The following BMPR1B variants were observed in gnomAD, a reference collection of about 807,000 sequenced individuals.
BMPR1B encodes the protein bone morphogenetic protein receptor type-1B.
Under a neutral mutation model 59.1 loss-of-function variants are expected in BMPR1B, and 12 were observed. The ratio of observed to expected loss-of-function variants is 0.20; its 90% CI spans 0.13 to 0.33. BMPR1B has a LOEUF of 0.33. BMPR1B is among the 10% of genes least tolerant of loss of function. The pLI, the probability that BMPR1B is intolerant of heterozygous loss-of-function variation, is 1.00. For missense variants in BMPR1B, 550 were observed against 610.9 expected, an observed-to-expected ratio of 0.90 and a Z score of 1.05; for synonymous variants, 237 against 207.3, an observed-to-expected ratio of 1.14 and a Z score of -1.23.
chr4:94,846,711 CTATATATCTATATATCTA>C, intron 1 of BMPR1B, among the ~76,000 whole-genome samples: 1 of 147,342 alleles, frequency 6.8e-6, no homozygotes, highest in South Asian at 2.2e-4. Context: ...ATATATGTAT[CTATATATCTATATATCTA>C]TATCTATATA....
chr4:94,899,245 C>T (rs1209344507), intron 2 of BMPR1B, among the ~76,000 whole-genome samples: 1 of 151,884 alleles, frequency 6.6e-6, no homozygotes, highest in Non-Finnish European at 1.5e-5. Flanking sequence ...GGATAGTCTT[C>T]CCACCACAAA....
At chr4:94,853,758 C>T (rs1725649474) in intron 1 of BMPR1B, among the ~76,000 whole-genome samples, 1 of 152,080 alleles carries the variant, frequency 6.6e-6, no homozygotes, top group Admixed American at 6.5e-5. Context: ...TCCATTTCTC[C>T]AAATCACTGC....
intron 6 of BMPR1B, among the ~76,000 whole-genome samples, chr4:95,117,585 C>T (rs1732162158): frequency 6.6e-6 from 1 of 151,842 alleles, no homozygotes; most frequent in South Asian, 2.1e-4. Context: ...AAGTTCAAGA[C>T]CAGCCTGGGC....
chr4:95,032,162 G>T (rs536826768), intron 3 of BMPR1B, among the ~76,000 whole-genome samples: 1 of 152,098 alleles, frequency 6.6e-6, no homozygotes, highest in South Asian at 2.1e-4. Flanking sequence ...CAAGATCAAG[G>T]GGCTTGAAGC....
intron 2 of BMPR1B, among the ~76,000 whole-genome samples, chr4:94,951,524 A>C (rs967281418): frequency 6.6e-6 from 1 of 152,060 alleles, no homozygotes; most frequent in African/African-American, 2.4e-5. Context: ...GCATCTGTTG[A>C]GGTAATTACG....
intron 3 of BMPR1B, among the ~76,000 whole-genome samples, chr4:95,072,158 C>T (rs566131423): frequency 7.6e-4 from 116 of 152,192 alleles, no homozygotes; most frequent in African/African-American, 2.5e-3. Flanking sequence ...GGCAGTCAGG[C>T]GGGGCTCTCT....
chr4:95,090,413 T>G (rs943818978), intron 3 of BMPR1B, among the ~76,000 whole-genome samples: 1 of 151,994 alleles, frequency 6.6e-6, no homozygotes, highest in Non-Finnish European at 1.5e-5. Context: ...GTATCTGTTT[T>G]TTGGATAAGA....
At chr4:94,898,551 A>G (rs1041467638) in intron 2 of BMPR1B, among the ~76,000 whole-genome samples, 18 of 152,102 alleles carry the variant, frequency 1.2e-4, no homozygotes, top group African/African-American at 3.1e-4. Flanking sequence ...TCCTGCCACC[A>G]TGTGAAGAAG....
At chr4:94,933,374 C>T (rs929719290) in intron 2 of BMPR1B, among the ~76,000 whole-genome samples, 1 of 151,942 alleles carries the variant, frequency 6.6e-6, no homozygotes, top group African/African-American at 2.4e-5. Flanking sequence ...TATCTTTTGA[C>T]CTCCTTAATA....
At chr4:94,872,788 T>G (rs17022414) in intron 1 of BMPR1B, among the ~76,000 whole-genome samples, 2,954 of 152,314 alleles carry the variant, frequency 0.019, 99 homozygotes, top group African/African-American at 0.067. Flanking sequence ...AAAAGATGAT[T>G]ATGTTTTGCA....
At chr4:95,091,270 CTTTTT>C (rs879339165) in intron 3 of BMPR1B, among the ~76,000 whole-genome samples, 94 of 150,190 alleles carry the variant, frequency 6.3e-4, no homozygotes, top group East Asian at 2.2e-3. Flanking sequence ...TTTTTCTTTT[CTTTTT>C]TTTTTGTTTT....
intron 3 of BMPR1B, among the ~76,000 whole-genome samples, chr4:95,096,568 T>C (rs2149255413): frequency 6.6e-6 from 1 of 151,090 alleles, no homozygotes; most frequent in African/African-American, 2.4e-5. Context: ...AAAATAATTC[T>C]ATTGTTTATT....
chr4:94,834,043 A>T (rs62316162), intron 1 of BMPR1B, among the ~76,000 whole-genome samples: 18,647 of 152,310 alleles, frequency 0.12, 1,432 homozygotes, highest in East Asian at 0.2. Context: ...TGTTTAAATT[A>T]TCTTAAACGG....
At chr4:94,983,926 A>T (rs538243336) in intron 2 of BMPR1B, among the ~76,000 whole-genome samples, 3 of 152,252 alleles carry the variant, frequency 2.0e-5, no homozygotes, top group Non-Finnish European at 4.4e-5. Flanking sequence ...ACAGGTACTA[A>T]GCAAGTGTTT....
intron 3 of BMPR1B, among the ~76,000 whole-genome samples, chr4:95,024,838 C>G (rs540811361): frequency 2.6e-4 from 40 of 152,268 alleles, no homozygotes; most frequent in African/African-American, 7.5e-4. Context: ...TACATTGGCT[C>G]ACACCTGTAA....
intron 3 of BMPR1B, among the ~76,000 whole-genome samples, chr4:95,012,224 C>A (rs1010832903): frequency 6.6e-6 from 1 of 152,084 alleles, no homozygotes; most frequent in Admixed American, 6.6e-5. Flanking sequence ...CTTTGAAATT[C>A]ATTAGCCATT....
intron 10 of BMPR1B, among the ~76,000 whole-genome samples, chr4:95,139,361 C>T (rs1324948727): frequency 2.0e-5 from 3 of 152,186 alleles, no homozygotes; most frequent in Admixed American, 6.5e-5. Flanking sequence ...ACTCAGGAGT[C>T]AGGGACCCAC....
chr4:95,130,844 C>G (rs1733299138), intron 9 of BMPR1B, among the ~76,000 whole-genome samples: 1 of 146,896 alleles, frequency 6.8e-6, no homozygotes, highest in Non-Finnish European at 1.5e-5. Context: ...AATTCTCCTG[C>G]TTAGCTTCCC....
chr4:95,125,015 G>C lies in BMPR1B; in HGVS notation c.479G>C (p.Ser160Thr). The C allele has an allele frequency of 2.5e-6, 4 of 1,613,416 alleles. No individual in the cohort carries two copies. The highest frequency in any genetic ancestry group is 3.4e-6 in the Non-Finnish European group (4 of 1,179,434). ...YKRQETRPRYSIGLEQDETYI... is the reference protein window; with the variant it reads ...YKRQETRPRYTIGLEQDETYI... ...AGACAAGAAACCAGACCTCGATACAGCATTGGGTTAGAACAGGATGAAACT... is the reference window on the plus strand; with the variant it reads ...AGACAAGAAACCAGACCTCGATACACCATTGGGTTAGAACAGGATGAAACT... The change falls in exon 8 of 13, where the codon AGC (serine) becomes ACC (threonine). Residue 160 changes from serine (S) to threonine (T), a missense_variant. Physicochemically the swap from Ser to Thr is moderately conservative, Grantham distance 58 (BLOSUM62 1). Coordinates refer to ENST00000515059, the MANE Select transcript of BMPR1B (RefSeq NM_001203.3).
Sources: allele counts gnomAD v4.1 joint callset (sites outside exome capture counted in the v4.1 genomes callset), GRCh38; gene constraint gnomAD v4.1.1; transcripts MANE v1.5; gene names NCBI Gene and HGNC (gene_info 2026-07-23, HGNC 2026-07-21).